The following ADCY9 variants were observed in gnomAD, a reference collection of about 807,000 sequenced individuals.
ADCY9 encodes adenylate cyclase type 9.
Under a neutral mutation model 101.5 loss-of-function variants are expected in ADCY9, and 50 were observed. The ratio of observed to expected loss-of-function variants is 0.49; its 90% CI spans 0.39 to 0.62. The LOEUF is 0.62. Among genes scored for constraint, ADCY9 ranks in the 20% least tolerant of loss-of-function variants. The pLI is 0.00. For synonymous variants in ADCY9, 905 were observed against 769.3 expected, an observed-to-expected ratio of 1.18 and a Z score of -2.92; for missense variants, 1,662 against 1,800.4, an observed-to-expected ratio of 0.92 and a Z score of 1.39.
At position 3,992,635 on chromosome 16, in the gene ADCY9, G is replaced by A. The variant is rs775093626; in HGVS notation, c.1990-272C>T. Among the ~76,000 whole-genome samples, 1 of 152,134 alleles carries A rather than the reference G, an allele frequency of 6.6e-6. No individual in the cohort carries two copies. The highest frequency in any genetic ancestry group is 1.5e-5 in the Non-Finnish European group (1 of 68,032). ...AGGACATTGAGACATGGGAAGAGTC[G>A]GTGCGGAGGTGGAGGGGAAGGGAGG... is the stretch of plus-strand genomic sequence containing the variant. On this transcript the variant is annotated intron_variant, in intron 4 of 10. Transcript: ENST00000294016. The surrounding 1 kb of genome is among the most constrained non-coding windows in gnomAD (Gnocchi z 4.2).
At chr16:3,988,194 A>G (rs567018693) in intron 6 of ADCY9, among the ~76,000 whole-genome samples, 1 of 152,092 alleles carries the variant, frequency 6.6e-6, no homozygotes, top group South Asian at 2.1e-4. Context: ...TCCAGTCTGC[A>G]GTCGGGGAGA....
At chr16:3,996,667 G>A (rs2141708528) in intron 3 of ADCY9, among the ~76,000 whole-genome samples, 1 of 152,296 alleles carries the variant, frequency 6.6e-6, no homozygotes, top group South Asian at 2.1e-4. Flanking sequence ...AATGCTGGTA[G>A]TGAATATGAA....
intron 3 of ADCY9, among the ~76,000 whole-genome samples, chr16:4,001,693 T>G (rs912454701): frequency 6.6e-6 from 1 of 151,244 alleles, no homozygotes; most frequent in African/African-American, 2.4e-5. Flanking sequence ...GGACTACAGG[T>G]GGATACCAAC....
chr16:3,969,567 G>GAAATATATAT (rs1452482867), intron 10 of ADCY9, among the ~76,000 whole-genome samples: 15 of 20,918 alleles, frequency 7.2e-4, no homozygotes, highest in African/African-American at 1.8e-3. Flanking sequence ...AAGTTTGTTT[G>GAAATATATAT]AAATATATAT....
chr16:4,049,280 T>A (rs193107758), intron 2 of ADCY9, among the ~76,000 whole-genome samples: 152 of 151,938 alleles, frequency 1.0e-3, no homozygotes, highest in African/African-American at 3.5e-3. Context: ...GAGAAGAGGG[T>A]CCAGGGAAAT....
intron 2 of ADCY9, among the ~76,000 whole-genome samples, chr16:4,107,221 G>A (rs143460160): frequency 1.0e-3 from 153 of 152,234 alleles, no homozygotes; most frequent in Non-Finnish European, 1.7e-3. Flanking sequence ...TATCTGAGAG[G>A]CTGTATTTCC....
In ADCY9 at chr16:4,097,549, A is replaced by ATTT. The variant is rs71394654; in HGVS notation, c.1693+16200_1693+16201insAAA. Reference sequence around the variant, plus strand: ...TGTACATATATATATATATATATATATATATTTTTTTTTTTTTTTTTTAAG... The same window carrying ATTT: ...TGTACATATATATATATATATATATATTTTATATTTTTTTTTTTTTTTTTTAAG... On this transcript the variant is annotated intron_variant, in intron 2 of 10. Coordinates refer to ENST00000294016, the MANE Select transcript of ADCY9 (RefSeq NM_001116.4). 2.0e-3 allele frequency among the ~76,000 whole-genome samples: 97 copies of ATTT among 48,214 alleles called. 1 individual carries two copies. The highest frequency in any genetic ancestry group is 3.5e-3 in the South Asian group (6 of 1,698). The allele number at this position is 48,214 out of a possible 152,430, so 31.6% of individuals were successfully genotyped here.
In ADCY9 at chr16:4,097,485, T is replaced by TACAC. The variant is rs1435990370; in HGVS notation, c.1693+16264_1693+16265insGTGT. Reference sequence around the variant, plus strand: ...ATATATATATATATATATATATATATATACACACACACACACTATATATAT... The same window carrying TACAC: ...ATATATATATATATATATATATATATACACATACACACACACACACTATATATAT... On this transcript the variant is annotated intron_variant, in intron 2 of 10. Transcript: ENST00000294016. Among the ~76,000 whole-genome samples, 481 of 72,908 alleles carry TACAC rather than the reference T, an allele frequency of 6.6e-3. 2 individuals are homozygous for TACAC. The highest frequency in any genetic ancestry group is 0.025 in the East Asian group (64 of 2,608). 47.8% of individuals were successfully genotyped at this position (72,908 alleles called of 152,430 possible). A position where few individuals can be genotyped will look rare whatever the true frequency, so the allele number is the denominator to read the frequency against.
intron 3 of ADCY9, 90 bp from the exon 4 acceptor site, chr16:3,993,600 C>A: frequency 1.3e-6 from 2 of 1,511,992 alleles, no homozygotes; most frequent in South Asian, 1.1e-5. Flanking sequence ...CATCTGCCGT[C>A]ACGCAGCATG....
At chr16:4,076,032 C>T (rs915331386) in intron 2 of ADCY9, among the ~76,000 whole-genome samples, 2 of 152,072 alleles carry the variant, frequency 1.3e-5, no homozygotes, top group African/African-American at 4.8e-5. Flanking sequence ...GATGACAGAG[C>T]AAATGCAAAA....
intron 2 of ADCY9, among the ~76,000 whole-genome samples, chr16:4,030,905 T>A (rs2141753930): frequency 6.6e-6 from 1 of 152,308 alleles, no homozygotes; most frequent in African/African-American, 2.4e-5. Context: ...CCTTTTGTGA[T>A]AATTCTTCAA....
chr16:4,004,608 A>G (rs1272758604), intron 3 of ADCY9, among the ~76,000 whole-genome samples: 1 of 152,226 alleles, frequency 6.6e-6, no homozygotes, highest in Non-Finnish European at 1.5e-5. Flanking sequence ...GAAACTGTTA[A>G]TTACTACATG....
intron 2 of ADCY9, among the ~76,000 whole-genome samples, chr16:4,038,648 T>G (rs141760132): frequency 1.3e-3 from 204 of 152,280 alleles, no homozygotes; most frequent in African/African-American, 4.8e-3. Context: ...TGGTTTCAGT[T>G]GAGAAAAGAG....
At chr16:4,019,887 G>C (rs897164658) in intron 2 of ADCY9, among the ~76,000 whole-genome samples, 3 of 152,174 alleles carry the variant, frequency 2.0e-5, no homozygotes, top group African/African-American at 7.2e-5. Flanking sequence ...AGACCAGCCT[G>C]GCCAACATGG....
rs571118483 is a variant in ADCY9 at position 4,056,082 on chromosome 16, G to A, written c.1694-48524C>T. 2.0e-5 allele frequency among the ~76,000 whole-genome samples: 3 copies of A among 152,294 alleles called. No homozygotes were observed. The South Asian group carries it at 6.2e-4, about 32-fold the overall frequency. ...CTCCCAGCCGGTGTTGTGCGATACAGAACCCGAAAGCTGCGCCCTCCCCGC... is the reference window on the plus strand; with the variant it reads ...CTCCCAGCCGGTGTTGTGCGATACAAAACCCGAAAGCTGCGCCCTCCCCGC... On this transcript the variant is annotated intron_variant, in intron 2 of 10. Coordinates refer to ENST00000294016, the MANE Select transcript of ADCY9 (RefSeq NM_001116.4).
intron 7 of ADCY9, among the ~76,000 whole-genome samples, chr16:3,979,701 G>A (rs373060201): frequency 1.3e-4 from 20 of 152,190 alleles, no homozygotes; most frequent in African/African-American, 4.6e-4. Flanking sequence ...TGCAGTTGTC[G>A]CAGCAGAAGA....
intron 2 of ADCY9, among the ~76,000 whole-genome samples, chr16:4,047,193 G>C (rs192352489): frequency 3.9e-5 from 6 of 152,010 alleles, no homozygotes; most frequent in Admixed American, 1.3e-4. Flanking sequence ...AAAATATTAG[G>C]ATTTATAAAG....
intron 3 of ADCY9, among the ~76,000 whole-genome samples, chr16:3,993,851 G>A (rs778429822): frequency 1.2e-4 from 18 of 152,150 alleles, no homozygotes; most frequent in Admixed American, 5.9e-4. Context: ...GGTGAACCTC[G>A]AAAACATTAT....
At chr16:4,055,396 T>A (rs552259451) in intron 2 of ADCY9, among the ~76,000 whole-genome samples, 1 of 151,782 alleles carries the variant, frequency 6.6e-6, no homozygotes, top group Non-Finnish European at 1.5e-5. Flanking sequence ...TAGCTGGGCA[T>A]AGTGGCACAC....
Sources: gnomAD v4.1 joint callset for allele counts (sites outside exome capture counted in the v4.1 genomes callset) on GRCh38, gnomAD v4.1.1 for gene constraint, Gnocchi (gnomAD v3.1) non-coding constraint, MANE v1.5 for transcripts, NCBI Gene and HGNC (gene_info 2026-07-23, HGNC 2026-07-21) for gene names.